PCDH15: variants seen among roughly 807,000 people sequenced by gnomAD.
The protein encoded by PCDH15 is protocadherin related 15, also known as protocadherin-15.
In PCDH15, 129 loss-of-function variants were observed where a neutral mutation model predicts 178.5. The observed-to-expected ratio is 0.72, with a 90% CI of 0.63 to 0.84. The LOEUF (loss-of-function observed/expected upper bound fraction) is 0.84. Ranked by LOEUF, PCDH15 falls within the 40% of genes least tolerant of loss-of-function variation. The pLI, the probability that PCDH15 is intolerant of heterozygous loss-of-function variation, is 0.00. For synonymous variants in PCDH15, 800 were observed against 732.0 expected (o/e 1.09, Z -1.50); for missense variants, 2,230 against 2,099.9 (o/e 1.06, Z -1.21).
At chr10:54,725,518 G>T (rs535552143) in intron 1 of PCDH15, among the ~76,000 whole-genome samples, 66 of 129,734 alleles carry the variant, frequency 5.1e-4, no homozygotes, top group African/African-American at 1.7e-3. Flanking sequence ...CTCTACAATT[G>T]TTTATGTTTA....
At chr10:53,845,131 C>T (rs1368088275) in intron 28 of PCDH15, among the ~76,000 whole-genome samples, 1 of 151,886 alleles carries the variant, frequency 6.6e-6, no homozygotes, top group African/African-American at 2.4e-5. Context: ...CTCGACATCA[C>T]TAATCATCAA....
chr10:54,337,207 A>T (rs1941355697), intron 6 of PCDH15, among the ~76,000 whole-genome samples: 1 of 152,112 alleles, frequency 6.6e-6, no homozygotes, highest in South Asian at 2.1e-4. Flanking sequence ...GGTGTAAGGA[A>T]CTTGCTTTGT....
rs1033803342 is a variant in PCDH15 at position 53,823,343 on chromosome 10, G to C, written c.4368-3113C>G. On this transcript the variant is annotated intron_variant, in intron 32 of 37. Transcript: ENST00000644397. The stretch of plus-strand genomic sequence containing the variant: ...TATTTCCCCTGCTTTGTTGAAAATG[G>C]TAGAGAAGGAAAAGACTTGAAAGAA... The C allele has an allele frequency of 6.2e-7, 1 of 1,613,446 alleles. No individual in the cohort carries two copies. The highest frequency in any genetic ancestry group is 1.3e-5 in the African/African-American group (1 of 74,900).
At chr10:55,301,975 T>G (rs572441523) in intron 1 of PCDH15, among the ~76,000 whole-genome samples, 1 of 152,302 alleles carries the variant, frequency 6.6e-6, no homozygotes, top group East Asian at 1.9e-4. Context: ...CAGCACTGTC[T>G]TGATTATCGT....
chr10:53,977,647 A>C (rs1045760881), intron 21 of PCDH15, among the ~76,000 whole-genome samples: 1 of 152,202 alleles, frequency 6.6e-6, no homozygotes, highest in Non-Finnish European at 1.5e-5. Context: ...CCTTCCCAAC[A>C]GTCCCTCAAA....
chr10:54,980,966 C>T (rs75155064), intron 2 of PCDH15, among the ~76,000 whole-genome samples: 3,269 of 151,822 alleles, frequency 0.022, 117 homozygotes, highest in African/African-American at 0.074. Context: ...TAAAATGAAA[C>T]GTACATCTTA....
rs149779436 is a variant in PCDH15 at position 55,164,092 on chromosome 10, C to T, written c.-80+2484G>A. Among the ~76,000 whole-genome samples, 85 of 152,216 alleles carry T rather than the reference C, an allele frequency of 5.6e-4. 2 individuals carry two copies. In the East Asian group the frequency reaches 9.9e-3, roughly 18 times the overall value. ...TCCTGTTGTCAACGGTGAGGCCACA[C>T]GATGCAGTAGAGCCTACTATGGCTG... On this transcript the variant is annotated intron_variant, in intron 2 of 5. Coordinates refer to the PCDH15 transcript ENST00000458638.
intron 2 of PCDH15, among the ~76,000 whole-genome samples, chr10:55,088,533 T>G (rs1487107775): frequency 6.6e-6 from 1 of 151,994 alleles, no homozygotes; most frequent in Non-Finnish European, 1.5e-5. Context: ...CTTGGACTCC[T>G]ATAGTGCTAG....
At chr10:55,593,619 A>G (rs1291504470) in intron 2 of PCDH15, among the ~76,000 whole-genome samples, 4 of 151,850 alleles carry the variant, frequency 2.6e-5, no homozygotes, top group East Asian at 1.9e-4. Context: ...ATATATTAAG[A>G]TTAATTACTG....
At chr10:53,974,050 C>T (rs2089985201) in intron 21 of PCDH15, among the ~76,000 whole-genome samples, 2 of 152,098 alleles carry the variant, frequency 1.3e-5, no homozygotes, top group African/African-American at 4.8e-5. Flanking sequence ...CAGAGTTTCA[C>T]TCTGTCGTCC....
At chr10:55,366,102 T>G (rs1845353290) in intron 2 of PCDH15, 2 of 152,302 alleles carry the variant, frequency 1.3e-5, no homozygotes, top group Admixed American at 1.3e-4. Context: ...CCAACATGCC[T>G]ACTGTCTCTT....
intron 2 of PCDH15, among the ~76,000 whole-genome samples, chr10:54,609,064 T>TACAAA (rs1565733735): frequency 1.3e-5 from 2 of 152,100 alleles, no homozygotes; most frequent in African/African-American, 4.8e-5. Context: ...TTATTCAATG[T>TACAAA]GAAACAAAAC....
At chr10:54,434,898 A>G (rs2075281333) in intron 3 of PCDH15, among the ~76,000 whole-genome samples, 1 of 152,210 alleles carries the variant, frequency 6.6e-6, no homozygotes, top group South Asian at 2.1e-4. Context: ...GACTTGGAGT[A>G]CCAGGTATAT....
chr10:54,408,070 A>AAAAAAT (rs1952933037), intron 3 of PCDH15, among the ~76,000 whole-genome samples: 1 of 149,368 alleles, frequency 6.7e-6, no homozygotes. Context: ...AAAAAAAAAA[A>AAAAAAT]GGAAAAGGAA....
Position 54,089,943 on chromosome 10 carries a change from G to C in PCDH15, c.1997+41C>G, listed in dbSNP as rs59250260. The C allele has an allele frequency of 9.4e-4, 1,349 of 1,439,644 alleles. 9 individuals carry two copies. In the African/African-American group the frequency reaches 0.017, roughly 18 times the overall value. 89.2% of individuals were successfully genotyped at this position (1,439,644 alleles called of 1,614,324 possible). A position where few individuals can be genotyped will look rare whatever the true frequency, so the allele number is the denominator to read the frequency against. On this transcript the variant is annotated intron_variant, in intron 16 of 37. Transcript: ENST00000644397. ...TCTGCTTTCTTACTAACAGTACGTTGCTGTACATTTTTTTAAAGTAGGAAA... is the reference window on the plus strand; with the variant it reads ...TCTGCTTTCTTACTAACAGTACGTTCCTGTACATTTTTTTAAAGTAGGAAA...
At chr10:54,380,921 TC>T (rs1949156419) in intron 3 of PCDH15, among the ~76,000 whole-genome samples, 1 of 151,286 alleles carries the variant, frequency 6.6e-6, no homozygotes, top group Admixed American at 6.6e-5. Context: ...ATGGAAAAGA[TC>T]TATAGTTTTC....
At chr10:55,613,771 T>C (rs1843418869) in intron 2 of PCDH15, among the ~76,000 whole-genome samples, 1 of 152,132 alleles carries the variant, frequency 6.6e-6, no homozygotes. Context: ...ATGCAAATCA[T>C]TCGTAGGACA....
intron 3 of PCDH15, among the ~76,000 whole-genome samples, chr10:54,894,181 C>A (rs1018999106): frequency 2.0e-5 from 3 of 151,990 alleles, no homozygotes; most frequent in Admixed American, 1.3e-4. Context: ...GCTGGAGAGA[C>A]AACACTAATA....
intron 17 of PCDH15, among the ~76,000 whole-genome samples, chr10:54,069,661 A>T (rs970760614): frequency 1.3e-5 from 2 of 152,166 alleles, no homozygotes; most frequent in Admixed American, 6.6e-5. Flanking sequence ...ATTGTTCTGA[A>T]CCTATGGAAA....
Sources: gnomAD v4.1 joint callset for allele counts (sites outside exome capture counted in the v4.1 genomes callset) on GRCh38, gnomAD v4.1.1 for gene constraint, MANE v1.5 for transcripts, NCBI Gene and HGNC (gene_info 2026-07-23, HGNC 2026-07-21) for gene names.